BROX: variants seen among roughly 807,000 people sequenced by gnomAD.
BROX encodes BRO1 domain and CAAX motif containing.
A neutral mutation model predicts 61.0 loss-of-function variants in BROX; 53 were observed. The observed-to-expected ratio is 0.87, with a 90% CI of 0.70 to 1.09. The LOEUF (loss-of-function observed/expected upper bound fraction) is 1.09, where lower values mean the gene tolerates loss of function less well. Ranked by LOEUF, BROX falls within the 50% of genes least tolerant of loss-of-function variation. The pLI is 0.00. For synonymous variants in BROX, 152 were observed against 160.2 expected (o/e 0.95, Z 0.38); for missense variants, 489 against 472.0 (o/e 1.04, Z -0.33).
At position 222,728,755 on chromosome 1, in the gene BROX, C is replaced by G. The variant is rs781455625; in HGVS notation, c.683C>G (p.Ser228Cys). 2 of 1,592,790 alleles carry G rather than the reference C, an allele frequency of 1.3e-6. No homozygotes were observed. Among genetic ancestry groups the G allele is most frequent in the South Asian group, 2.2e-5 (2 of 88,918 alleles). Residue 228 changes from serine to cysteine, a missense_variant, in exon 9 of 13, where the codon TCC becomes TGC. By Grantham distance (112) the Ser-to-Cys change is moderately radical (BLOSUM62 -1). Coordinates refer to ENST00000340934, the MANE Select transcript of BROX (RefSeq NM_144695.4). Reference sequence around the variant, plus strand: ...AATGTAACTTTAGATCATACTTTATCCAGTTTGGAGCCTGCATATTCTGCC... The same window carrying G: ...AATGTAACTTTAGATCATACTTTATGCAGTTTGGAGCCTGCATATTCTGCC... ...NFYQKADHTL[S>C]SLEPAYSAKW...
In BROX at chr1:222,712,621, G is replaced by A. The variant is rs1437303936; in HGVS notation, c.-338G>A. The A allele has an allele frequency of 7.5e-6, 10 of 1,338,846 alleles. No homozygotes were observed. The highest frequency in any genetic ancestry group is 7.8e-6 in the Non-Finnish European group (8 of 1,023,174). The allele number at this position is 1,338,846 out of a possible 1,614,324, so 82.9% of individuals were successfully genotyped here. ...ATTCTCCCTCGGCTCCGGAGGTAGGGGCAACTCTTCTCTTCCTGTCTGGGA... is the reference window on the plus strand; with the variant it reads ...ATTCTCCCTCGGCTCCGGAGGTAGGAGCAACTCTTCTCTTCCTGTCTGGGA... On this transcript the variant is annotated 5_prime_UTR_variant, in exon 1 of 13. Transcript: ENST00000340934.
chr1:222,726,422 T>G (rs537189216), intron 7 of BROX, among the ~76,000 whole-genome samples: 18 of 151,994 alleles, frequency 1.2e-4, no homozygotes, highest in African/African-American at 4.3e-4. Flanking sequence ...ATTTAAAAAA[T>G]TAGCCAGTTG....
At chr1:222,713,552 T>TG in intron 1 of BROX, 1 of 583,566 alleles carries the variant, frequency 1.7e-6, no homozygotes, top group Non-Finnish European at 2.2e-6. Flanking sequence ...CCCTTGTCCC[T>TG]GCGGGTGGGT....
At position 222,722,527 on chromosome 1, in the gene BROX, G is replaced by C; in HGVS notation, c.401+13G>C. 6.5e-7 allele frequency: 1 copy of C among 1,549,840 alleles called. No individual in the cohort carries two copies. The highest frequency in any genetic ancestry group is 1.1e-5 in the South Asian group (1 of 89,594). On this transcript the variant is annotated intron_variant, in intron 5 of 12. Coordinates refer to ENST00000340934, the MANE Select transcript of BROX (RefSeq NM_144695.4). ...CTGGAAAAGAAAAGTAAGTTAATAG[G>C]AGAGGATTGTGTACATCTGTGTTAT...
At chr1:222,728,691 T>C in intron 8 of BROX, 52 bp from the exon 9 acceptor site, 1 of 1,215,556 alleles carries the variant, frequency 8.2e-7, no homozygotes, top group Non-Finnish European at 1.2e-6. Flanking sequence ...ACTAAAAGTC[T>C]TCTAGTGAAT....
rs372097102 is a variant in BROX, at chr1:222,718,913, A to G, written c.102-12A>G. ...ACAGCTAACTTTACTGTCTTTTTGT[A>G]TCTCTTATAAGTGACTTGAGGTCAT... On this transcript the variant is annotated splice_polypyrimidine_tract_variant and intron_variant, in intron 2 of 12. Transcript: ENST00000340934. 1.2e-5 allele frequency: 20 copies of G among 1,605,806 alleles called. No homozygotes were observed. In the African/African-American group the frequency reaches 2.4e-4, roughly 19 times the overall value.
At chr1:222,731,293 G>A in intron 11 of BROX, 64 bp from the exon 12 acceptor site, 1 of 1,372,968 alleles carries the variant, frequency 7.3e-7, no homozygotes, top group South Asian at 1.5e-5. Flanking sequence ...ACAGGACCTT[G>A]AACATATTAG....
chr1:222,715,797 G>A lies in BROX; in HGVS notation c.98G>A (p.Cys33Tyr), dbSNP rs1656559760. ...VVTGPSASKI[C>Y]NDLRSSRARL... ...ACTGGCCCTTCTGCTTCAAAAATAT[G>A]CAAGTAAGTTTATTGATTGAACCAC... The change falls in exon 2 of 13, where the codon TGC becomes TAC. Residue 33 changes from cysteine to tyrosine, a missense_variant. Physicochemically the swap from Cys to Tyr is radical, Grantham distance 194. Coordinates refer to ENST00000340934, the MANE Select transcript of BROX (RefSeq NM_144695.4). 1.9e-6 allele frequency: 3 copies of A among 1,578,844 alleles called. No individual in the cohort carries two copies. The highest frequency in any genetic ancestry group is 2.6e-6 in the Non-Finnish European group (3 of 1,158,652).
chr1:222,728,139 T>C (rs1657649193), intron 8 of BROX, among the ~76,000 whole-genome samples: 1 of 152,176 alleles, frequency 6.6e-6, no homozygotes, highest in Non-Finnish European at 1.5e-5. Context: ...AAGGTCCCTA[T>C]AGTTGCAGTA....
intron 4 of BROX, among the ~76,000 whole-genome samples, chr1:222,719,753 G>T (rs1464768072): frequency 2.0e-5 from 3 of 152,010 alleles, no homozygotes; most frequent in East Asian, 1.9e-4. Context: ...ATTAGTCTTT[G>T]TCTCATTCTT....
Position 222,725,535 on chromosome 1 carries a change from G to A in BROX, c.560G>A (p.Cys187Tyr). 1 of 1,610,352 alleles carries A rather than the reference G, an allele frequency of 6.2e-7. No individual in the cohort carries two copies. Among genetic ancestry groups the A allele is most frequent in the Non-Finnish European group, 8.5e-7 (1 of 1,177,952 alleles). ...CTCATAGAAGCATACGTTATTCAAT[G>A]TCAGGCTGAAGCTCAAGAAGGTATC... is the stretch of plus-strand genomic sequence containing the variant. ...SRLIEAYVIQ[C>Y]QAEAQEVTIA... The change falls in exon 7 of 13, where the codon TGT becomes TAT. Residue 187 changes from cysteine (C) to tyrosine (Y), a missense_variant. Transcript: ENST00000340934.
chr1:222,717,098 C>CT (rs1211127040), intron 2 of BROX, among the ~76,000 whole-genome samples: 1 of 152,168 alleles, frequency 6.6e-6, no homozygotes, highest in Non-Finnish European at 1.5e-5. Context: ...GGTCATCAAA[C>CT]TTTTTAAAAG....
Position 222,731,451 on chromosome 1 carries a change from AGT to A in BROX, c.1087_1088del (p.Val363SerfsTer11). On this transcript the variant is annotated frameshift_variant, in exon 12 of 13. Coordinates refer to ENST00000340934, the MANE Select transcript of BROX (RefSeq NM_144695.4). LOFTEE classifies it high-confidence loss of function. ...TATACCTTTCGAATTTCCTCCTACA[AGT>A]GTTCAGTGGACACCAGAAACATTGG... ...EPIPFEFPPT[S>X]VQWTPETLAA... The A allele has an allele frequency of 6.2e-7, 1 of 1,605,174 alleles. No homozygotes were observed. The highest frequency in any genetic ancestry group is 1.7e-5 in the Admixed American group (1 of 57,420).
chr1:222,714,627 T>C (rs1043518978), intron 1 of BROX, among the ~76,000 whole-genome samples: 1 of 151,770 alleles, frequency 6.6e-6, no homozygotes, highest in Non-Finnish European at 1.5e-5. Flanking sequence ...TCTTGCCCTG[T>C]CGCCCAGGCT....
chr1:222,718,268 G>T (rs150281812), intron 2 of BROX, among the ~76,000 whole-genome samples: 4 of 152,124 alleles, frequency 2.6e-5, no homozygotes, highest in Non-Finnish European at 4.4e-5. Context: ...AGAAGGAAAA[G>T]GTGGATCTAT....
Position 222,734,542 on chromosome 1 carries a change from G to C in BROX, c.*1828G>C, listed in dbSNP as rs1344043475. ...TAAATACTGCTTGCAGTATAATATT[G>C]ATATTGGAAGCTGCAGTTTCCAGAA... On this transcript the variant is annotated 3_prime_UTR_variant, in exon 13 of 13. Transcript: ENST00000340934. 2.0e-5 allele frequency: 3 copies of C among 151,872 alleles called. No individual in the cohort carries two copies. Among genetic ancestry groups the C allele is most frequent in the Non-Finnish European group, 4.4e-5 (3 of 67,990 alleles). The allele number at this position is 151,872 out of a possible 1,614,324, so 9.4% of individuals were successfully genotyped here.
At chr1:222,729,255 A>G (rs776509871) in intron 9 of BROX, among the ~76,000 whole-genome samples, 52 of 152,294 alleles carry the variant, frequency 3.4e-4, no homozygotes, top group South Asian at 8.3e-4. Flanking sequence ...TGTTTTGTTA[A>G]TTAGAATATC....
In BROX at chr1:222,730,104, C is replaced by T. The variant is rs748587241; in HGVS notation, c.916C>T (p.His306Tyr). The T allele has an allele frequency of 9.3e-6, 15 of 1,613,010 alleles. No homozygotes were observed. In the African/African-American group the frequency reaches 1.9e-4, roughly 20 times the overall value. ...GPGPTVKPSG[H>Y]LFFRKLGNLV... ...TGGACCAACAGTCAAACCTTCAGGA[C>T]ATCTGTTCTTTAGGAAACTTGGAAA... Residue 306 changes from histidine (H) to tyrosine (Y), a missense_variant, in exon 11 of 13, where the codon CAT (histidine) becomes TAT (tyrosine). By Grantham distance (83) the His-to-Tyr change is moderately conservative (BLOSUM62 2). Transcript: ENST00000340934.
chr1:222,727,772 T>C (rs1657617417), intron 8 of BROX, among the ~76,000 whole-genome samples: 1 of 152,218 alleles, frequency 6.6e-6, no homozygotes, highest in African/African-American at 2.4e-5. Flanking sequence ...CCCGTTATTA[T>C]ATCCTGAAGT....
Sources: allele counts gnomAD v4.1 joint callset (sites outside exome capture counted in the v4.1 genomes callset), GRCh38; gene constraint gnomAD v4.1.1; transcripts MANE v1.5; gene names NCBI Gene and HGNC (gene_info 2026-07-23, HGNC 2026-07-21).